Variants in SGCG observed in about 807,000 individuals in gnomAD.
SGCG encodes sarcoglycan gamma, also known as gamma-sarcoglycan.
SGCG carries 26 observed loss-of-function variants against 29.3 expected under a neutral mutation model. That is an observed-to-expected ratio of 0.89 (90% CI 0.65 to 1.23). The LOEUF (loss-of-function observed/expected upper bound fraction) is 1.23. SGCG is among the 50% of genes most tolerant of loss of function. The pLI is 0.00. For missense variants in SGCG, 353 were observed against 356.0 expected (o/e 0.99, Z 0.07); for synonymous variants, 145 against 129.7 (o/e 1.12, Z -0.80).
the SGCG span, among the ~76,000 whole-genome samples, chr13:23,165,291 A>G: frequency 6.6e-6 from 1 of 152,206 alleles, no homozygotes; most frequent in African/African-American, 2.4e-5. Context: ...TTTTTGAACA[A>G]TGAAAGAGGA....
At chr13:23,189,791 A>C (rs1357368075) in intron 1 of SGCG, among the ~76,000 whole-genome samples, 2 of 152,190 alleles carry the variant, frequency 1.3e-5, no homozygotes, top group African/African-American at 4.8e-5. Context: ...ACTTGAACTT[A>C]AGAGTAATTT....
At chr13:23,210,364 C>CT (rs1214343973) in intron 2 of SGCG, among the ~76,000 whole-genome samples, 1 of 152,008 alleles carries the variant, frequency 6.6e-6, no homozygotes, top group African/African-American at 2.4e-5. Flanking sequence ...AAAAGACTGT[C>CT]TTTTTTATTT....
chr13:23,197,042 T>C (rs2137490049), intron 1 of SGCG, among the ~76,000 whole-genome samples: 1 of 152,300 alleles, frequency 6.6e-6, no homozygotes, highest in African/African-American at 2.4e-5. Flanking sequence ...GTTCTCACTT[T>C]TCATTGCCTT....
At chr13:23,298,632 C>A (rs1056428430) in intron 6 of SGCG, among the ~76,000 whole-genome samples, 21 of 151,938 alleles carry the variant, frequency 1.4e-4, no homozygotes, top group Admixed American at 5.9e-4. Flanking sequence ...TTTTATTTTC[C>A]TAGGTTAGAA....
chr13:23,199,143 C>A lies in SGCG; in HGVS notation c.1-4552C>A, dbSNP rs528280666. On this transcript the variant is annotated intron_variant, in intron 1 of 7. Transcript: ENST00000218867. Reference sequence around the variant, plus strand: ...AAAAATTAAATATAGCACCAACATACTTTGAAGGATGGTTAGCAGGAGAAA... The same window carrying A: ...AAAAATTAAATATAGCACCAACATAATTTGAAGGATGGTTAGCAGGAGAAA... Among the ~76,000 whole-genome samples the A allele has an allele frequency of 5.9e-5, 9 of 151,812 alleles. No homozygotes were observed. The East Asian group carries it at 1.7e-3, about 29-fold the overall frequency.
At chr13:23,311,051 T>C (rs1006078819) in intron 6 of SGCG, among the ~76,000 whole-genome samples, 1 of 152,242 alleles carries the variant, frequency 6.6e-6, no homozygotes, top group African/African-American at 2.4e-5. Context: ...CATTTTTTGG[T>C]GAAGATCTAT....
intron 1 of SGCG, among the ~76,000 whole-genome samples, chr13:23,191,990 A>G (rs189019619): frequency 1.4e-3 from 218 of 152,034 alleles, no homozygotes; most frequent in Non-Finnish European, 2.1e-3. Context: ...CCTGGCTAAC[A>G]CGGCGAAACC....
chr13:23,254,339 C>T (rs1880096045), intron 4 of SGCG, among the ~76,000 whole-genome samples: 1 of 152,070 alleles, frequency 6.6e-6, no homozygotes, highest in African/African-American at 2.4e-5. Flanking sequence ...CTGTGTAATG[C>T]CCTAGGAAAG....
chr13:23,167,539 T>C, the SGCG span, among the ~76,000 whole-genome samples: 1 of 152,332 alleles, frequency 6.6e-6, no homozygotes, highest in East Asian at 1.9e-4. Flanking sequence ...GGGTTCTTTT[T>C]TCTCCACGTC....
intron 4 of SGCG, among the ~76,000 whole-genome samples, chr13:23,278,529 C>G (rs1482171614): frequency 6.6e-6 from 1 of 151,404 alleles, no homozygotes; most frequent in African/African-American, 2.4e-5. Context: ...AGGCTGTGCT[C>G]TAGGAAGATT....
Position 23,203,687 on chromosome 13 carries a change from C to A in SGCG, c.1-8C>A. The A allele has an allele frequency of 6.2e-7, 1 of 1,606,986 alleles. No individual in the cohort carries two copies. Among genetic ancestry groups the A allele is most frequent in the Non-Finnish European group, 8.5e-7 (1 of 1,175,402 alleles). ...TCTCTCTCCTCTCGTGAACACACTCCGTGGCAGATGGTGCGTGAGCAGTAC... is the reference window on the plus strand; with the variant it reads ...TCTCTCTCCTCTCGTGAACACACTCAGTGGCAGATGGTGCGTGAGCAGTAC... On this transcript the variant is annotated splice_polypyrimidine_tract_variant and splice_region_variant and intron_variant, in intron 1 of 7. Coordinates refer to ENST00000218867, the MANE Select transcript of SGCG (RefSeq NM_000231.3).
rs2137501447 is a variant in SGCG at position 23,203,822 on chromosome 13, T to A, written c.128T>A (p.Leu43Ter). The change falls in exon 2 of 8, where the codon TTA (leucine) becomes TAA (stop). Residue 43 changes from leucine to a stop codon, truncating the protein, a stop_gained. Coordinates refer to ENST00000218867, the MANE Select transcript of SGCG (RefSeq NM_000231.3). LOFTEE classifies it high-confidence loss of function. ...KRCLYLFVLLLLIILVVNLAL... is the reference protein window; with the variant it reads ...KRCLYLFVLL ...TGTCTCTACTTGTTTGTTCTTCTTT[T>A]ACTCATCATCCTCGTTGTGAATTTA... The A allele has an allele frequency of 6.2e-7, 1 of 1,614,156 alleles. No individual in the cohort carries two copies. The highest frequency in any genetic ancestry group is 1.1e-5 in the South Asian group (1 of 91,082).
the SGCG span, among the ~76,000 whole-genome samples, chr13:23,166,320 C>T: frequency 6.6e-6 from 1 of 152,022 alleles, no homozygotes; most frequent in Admixed American, 6.6e-5. Flanking sequence ...CTCAGTCTCC[C>T]GAGTAGCTGG....
chr13:23,192,368 A>AT (rs1167375317), intron 1 of SGCG, among the ~76,000 whole-genome samples: 1 of 151,024 alleles, frequency 6.6e-6, no homozygotes, highest in Non-Finnish European at 1.5e-5. Flanking sequence ...ATTTTATTTT[A>AT]TTTATTTTGT....
At chr13:23,296,077 A>G (rs1447014285) in intron 6 of SGCG, among the ~76,000 whole-genome samples, 1 of 152,238 alleles carries the variant, frequency 6.6e-6, no homozygotes, top group African/African-American at 2.4e-5. Flanking sequence ...TGATTCATAT[A>G]TTTTACAAAC....
chr13:23,192,240 A>G (rs1052486231), intron 1 of SGCG, among the ~76,000 whole-genome samples: 3 of 152,084 alleles, frequency 2.0e-5, no homozygotes, highest in Admixed American at 6.5e-5. Context: ...CAATCATACT[A>G]TTACAGAAGT....
chr13:23,238,123 C>T (rs1365777960), intron 3 of SGCG, among the ~76,000 whole-genome samples: 1 of 152,170 alleles, frequency 6.6e-6, no homozygotes, highest in Non-Finnish European at 1.5e-5. Context: ...ACAAGAGTGA[C>T]TCCTCAAATT....
chr13:23,160,898 T>C, the SGCG span, among the ~76,000 whole-genome samples: 2 of 152,300 alleles, frequency 1.3e-5, no homozygotes, highest in East Asian at 3.9e-4. Flanking sequence ...ATTTAGACAG[T>C]TGGCTTTTCT....
intron 3 of SGCG, among the ~76,000 whole-genome samples, chr13:23,247,954 T>TA (rs200707498): frequency 0.13 from 14,141 of 110,228 alleles, 1,045 homozygotes; most frequent in African/African-American, 0.2. Flanking sequence ...TCCCATCTCT[T>TA]AAAAAAAAAA....
Sources: allele counts gnomAD v4.1 joint callset (sites outside exome capture counted in the v4.1 genomes callset), GRCh38; gene constraint gnomAD v4.1.1; transcripts MANE v1.5; gene names NCBI Gene and HGNC (gene_info 2026-07-23, HGNC 2026-07-21).